SPAG16: variants seen among roughly 807,000 people sequenced by gnomAD.
The protein encoded by SPAG16 is sperm-associated antigen 16 protein.
Under a neutral mutation model 80.4 loss-of-function variants are expected in SPAG16, and 86 were observed. The ratio of observed to expected loss-of-function variants is 1.07; its 90% CI spans 0.90 to 1.28. SPAG16 has a LOEUF of 1.28. Ranked by LOEUF, SPAG16 falls within the 50% of genes most tolerant of loss-of-function variation. The pLI, the probability that SPAG16 is intolerant of heterozygous loss-of-function variation, is 0.00. For synonymous variants in SPAG16, 294 were observed against 265.9 expected (o/e 1.11, Z -1.03); for missense variants, 870 against 765.3 (o/e 1.14, Z -1.61).
intron 15 of SPAG16, among the ~76,000 whole-genome samples, chr2:214,204,869 C>G (rs1193091275): frequency 6.6e-6 from 1 of 151,976 alleles, no homozygotes; most frequent in East Asian, 1.9e-4. Flanking sequence ...TTCAGAAAAT[C>G]GATTATTAAG....
chr2:213,533,227 G>GTGATA, intron 10 of SPAG16, among the ~76,000 whole-genome samples: 1 of 152,212 alleles, frequency 6.6e-6, no homozygotes, highest in East Asian at 1.9e-4. Context: ...ATGTGTGTAT[G>GTGATA]TGATATGCAC....
intron 12 of SPAG16, among the ~76,000 whole-genome samples, chr2:213,980,725 T>TATATATATATATAGAGAGAGAGAG (rs374274176): frequency 1.5e-3 from 161 of 103,940 alleles, no homozygotes; most frequent in Non-Finnish European, 2.3e-3. Context: ...TATATATATA[T>TATATATATATATAGAGAGAGAGAG]AGAGAGAGAG....
At chr2:213,429,976 G>A (rs553033478) in intron 9 of SPAG16, among the ~76,000 whole-genome samples, 30 of 152,250 alleles carry the variant, frequency 2.0e-4, no homozygotes, top group African/African-American at 6.7e-4. Context: ...ATTCTCTAGC[G>A]ACATGTCCTA....
At chr2:214,226,033 A>G (rs979230461) in intron 15 of SPAG16, among the ~76,000 whole-genome samples, 1 of 152,130 alleles carries the variant, frequency 6.6e-6, no homozygotes, top group Non-Finnish European at 1.5e-5. Context: ...ACCATTACTT[A>G]AATGTAGGCT....
In SPAG16 at chr2:213,812,747, A is replaced by AT. The variant is rs1352203308; in HGVS notation, c.1071-49732dup. Among the ~76,000 whole-genome samples the AT allele has an allele frequency of 7.9e-4, 120 of 151,792 alleles. No individual in the cohort carries two copies. The East Asian group carries it at 0.013, about 16-fold the overall frequency. On this transcript the variant is annotated intron_variant, in intron 10 of 15. Transcript: ENST00000331683. ...TTCATTCATACAACAAATATTTAGC[A>AT]TTTTTTGTTTTATTACATGTAACTA...
At chr2:214,022,004 T>A (rs2047893558) in intron 13 of SPAG16, among the ~76,000 whole-genome samples, 1 of 152,072 alleles carries the variant, frequency 6.6e-6, no homozygotes, top group Non-Finnish European at 1.5e-5. Context: ...TCACCTTCCC[T>A]CCAAAGCTCC....
chr2:213,799,119 GA>G (rs2071221685), intron 10 of SPAG16, among the ~76,000 whole-genome samples: 2 of 152,130 alleles, frequency 1.3e-5, no homozygotes, highest in South Asian at 4.1e-4. Context: ...AAAAAGCAGA[GA>G]TTTTGATAGA....
intron 10 of SPAG16, among the ~76,000 whole-genome samples, chr2:213,536,166 T>G (rs1413325584): frequency 1.3e-4 from 20 of 152,158 alleles, no homozygotes; most frequent in Non-Finnish European, 7.4e-5. Context: ...GGATGTTGAT[T>G]TTTTTCTTCT....
chr2:214,340,831 T>A (rs892434107), intron 15 of SPAG16, among the ~76,000 whole-genome samples: 1 of 152,152 alleles, frequency 6.6e-6, no homozygotes, highest in African/African-American at 2.4e-5. Context: ...CCACTGGGTT[T>A]TCATCTCCAC....
At chr2:214,171,589 A>C (rs2056869568) in intron 15 of SPAG16, among the ~76,000 whole-genome samples, 1 of 151,962 alleles carries the variant, frequency 6.6e-6, no homozygotes, top group African/African-American at 2.4e-5. Flanking sequence ...TTTAAATTCG[A>C]ACATATTTTC....
intron 15 of SPAG16, among the ~76,000 whole-genome samples, chr2:214,312,114 TGTGA>T (rs1695380545): frequency 6.6e-6 from 1 of 152,224 alleles, no homozygotes. Flanking sequence ...GGTTTTAGTG[TGTGA>T]ATCATTTCCT....
chr2:213,511,646 T>C (rs1469706733), intron 10 of SPAG16, among the ~76,000 whole-genome samples: 2 of 152,124 alleles, frequency 1.3e-5, no homozygotes. Context: ...TTCTCTGGTA[T>C]TTCTTATCTT....
intron 12 of SPAG16, 37 bp downstream of exon 12, chr2:213,930,182 T>C: frequency 1.3e-6 from 2 of 1,524,232 alleles, no homozygotes; most frequent in Non-Finnish European, 1.8e-6. Context: ...TCCTCTGTGC[T>C]GATACATATA....
intron 5 of SPAG16, among the ~76,000 whole-genome samples, chr2:213,321,645 A>T (rs1022612625): frequency 2.0e-5 from 3 of 152,182 alleles, no homozygotes; most frequent in Admixed American, 1.3e-4. Flanking sequence ...CCATAATTAA[A>T]GCAGGGAATT....
rs181255877 is a variant in SPAG16 at position 214,046,656 on chromosome 2, G to A, written c.1527+32579G>A. On this transcript the variant is annotated intron_variant, in intron 13 of 15. Transcript: ENST00000331683. ...CATGACAAGGATGCCTACTTTCACC[G>A]TTATTCAACATAGTGCTGGAAGTCC... Among the ~76,000 whole-genome samples the A allele has an allele frequency of 5.3e-5, 8 of 152,152 alleles. No individual in the cohort carries two copies. The East Asian group carries it at 5.8e-4, about 11-fold the overall frequency.
At chr2:214,117,472 A>G (rs1044845052) in intron 14 of SPAG16, among the ~76,000 whole-genome samples, 1 of 152,198 alleles carries the variant, frequency 6.6e-6, no homozygotes, top group Non-Finnish European at 1.5e-5. Flanking sequence ...AAACTTGAAG[A>G]GGATAGAGTT....
At chr2:213,956,202 C>T (rs10172164) in intron 12 of SPAG16, among the ~76,000 whole-genome samples, 49,790 of 151,562 alleles carry the variant, frequency 0.33, 8,905 homozygotes, top group South Asian at 0.47. Context: ...GTGATCTGCC[C>T]GCCTCGGCCT....
intron 15 of SPAG16, among the ~76,000 whole-genome samples, chr2:214,156,024 T>A (rs2056199213): frequency 6.6e-6 from 1 of 152,224 alleles, no homozygotes. Flanking sequence ...TATTGATACA[T>A]GGCATCTGTT....
At chr2:214,386,287 G>T (rs1169961639) in intron 15 of SPAG16, among the ~76,000 whole-genome samples, 1 of 152,110 alleles carries the variant, frequency 6.6e-6, no homozygotes, top group African/African-American at 2.4e-5. Context: ...GGAGGCTGAG[G>T]TGGTGGGATG....
Sources: gnomAD v4.1 joint callset for allele counts (sites outside exome capture counted in the v4.1 genomes callset) on GRCh38, gnomAD v4.1.1 for gene constraint, MANE v1.5 for transcripts, NCBI Gene and HGNC (gene_info 2026-07-23, HGNC 2026-07-21) for gene names.